Variants in FSTL5 observed in about 807,000 individuals in gnomAD.
FSTL5 encodes the protein follistatin like 5, also known as follistatin-related protein 5.
In FSTL5, 62 loss-of-function variants were observed where a neutral mutation model predicts 89.1. That is an observed-to-expected ratio of 0.70 (90% CI 0.57 to 0.86). The LOEUF (loss-of-function observed/expected upper bound fraction) is 0.86, where lower values mean the gene tolerates loss of function less well. FSTL5 is among the 40% of genes least tolerant of loss of function. The pLI is 0.00. For synonymous variants in FSTL5, 383 were observed against 346.2 expected (o/e 1.11, Z -1.18); for missense variants, 1,057 against 1,001.6 (o/e 1.06, Z -0.75).
At chr4:161,640,457 G>T (rs1246028061) in intron 7 of FSTL5, among the ~76,000 whole-genome samples, 1 of 152,030 alleles carries the variant, frequency 6.6e-6, no homozygotes, top group East Asian at 1.9e-4. Context: ...CATCCATAAA[G>T]AATTAGGAAA....
At chr4:161,681,131 TC>T (rs1477090142) in intron 6 of FSTL5, among the ~76,000 whole-genome samples, 1 of 151,988 alleles carries the variant, frequency 6.6e-6, no homozygotes, top group Non-Finnish European at 1.5e-5. Flanking sequence ...AAAAATAGCC[TC>T]TGAGTGTGCA....
At chr4:162,127,927 T>A (rs909513714) in intron 1 of FSTL5, among the ~76,000 whole-genome samples, 1 of 152,182 alleles carries the variant, frequency 6.6e-6, no homozygotes, top group African/African-American at 2.4e-5. Context: ...AATTATTCAC[T>A]AAGGGAATGA....
chr4:161,863,815 G>C (rs1262576449), intron 4 of FSTL5, among the ~76,000 whole-genome samples: 1 of 152,172 alleles, frequency 6.6e-6, no homozygotes. Context: ...ATTTCTTCTA[G>C]AGAAGGACTT....
chr4:161,870,471 G>C (rs1362056729), intron 4 of FSTL5, among the ~76,000 whole-genome samples: 1 of 152,010 alleles, frequency 6.6e-6, no homozygotes, highest in East Asian at 1.9e-4. Context: ...TTTAATCTTG[G>C]CTTCTAATCT....
At chr4:161,765,209 G>T (rs1740950358) in intron 5 of FSTL5, among the ~76,000 whole-genome samples, 1 of 152,124 alleles carries the variant, frequency 6.6e-6, no homozygotes, top group Non-Finnish European at 1.5e-5. Context: ...TGTCCATTCT[G>T]CTCTAAGGGA....
intron 4 of FSTL5, among the ~76,000 whole-genome samples, chr4:161,908,513 G>T (rs1441864260): frequency 4.6e-5 from 7 of 151,588 alleles, no homozygotes; most frequent in African/African-American, 7.3e-5. Flanking sequence ...TTAATTCATT[G>T]TTCATCTATG....
chr4:162,099,105 T>C (rs1207472051), intron 2 of FSTL5, among the ~76,000 whole-genome samples: 1 of 152,114 alleles, frequency 6.6e-6, no homozygotes, highest in Non-Finnish European at 1.5e-5. Context: ...CAAATCAGGA[T>C]AACTGGGATA....
At chr4:162,079,478 A>G (rs920113705) in intron 2 of FSTL5, among the ~76,000 whole-genome samples, 1 of 151,646 alleles carries the variant, frequency 6.6e-6, no homozygotes, top group African/African-American at 2.4e-5. Context: ...GTGGGTTTCT[A>G]TTATAGACTT....
intron 15 of FSTL5, among the ~76,000 whole-genome samples, chr4:161,419,678 C>G (rs985314345): frequency 2.0e-5 from 3 of 152,200 alleles, no homozygotes; most frequent in Non-Finnish European, 4.4e-5. Context: ...ATTCACCTCA[C>G]TCAGAATAAA....
chr4:161,801,097 G>T (rs1729777350), intron 4 of FSTL5, among the ~76,000 whole-genome samples: 1 of 151,460 alleles, frequency 6.6e-6, no homozygotes, highest in Non-Finnish European at 1.5e-5. Context: ...ATATTCTGAA[G>T]ATAAAAAATT....
intron 4 of FSTL5, among the ~76,000 whole-genome samples, chr4:161,888,593 A>G (rs1435578448): frequency 6.6e-6 from 1 of 152,144 alleles, no homozygotes; most frequent in African/African-American, 2.4e-5. Context: ...AATTTCACTG[A>G]CATTTTCATT....
At chr4:162,140,798 G>A (rs1052545663) in intron 1 of FSTL5, among the ~76,000 whole-genome samples, 2 of 152,160 alleles carry the variant, frequency 1.3e-5, no homozygotes, top group Non-Finnish European at 2.9e-5. Context: ...GTATTCTGAT[G>A]TTAACCTTAA....
At chr4:161,992,879 T>A (rs1296879583) in intron 3 of FSTL5, among the ~76,000 whole-genome samples, 1,428 of 14,096 alleles carry the variant, frequency 0.1, 65 homozygotes, top group Non-Finnish European at 0.12. Flanking sequence ...TATATATATA[T>A]ATATATATAT....
At chr4:161,656,684 C>T (rs537499303) in intron 6 of FSTL5, among the ~76,000 whole-genome samples, 190 bp from the exon 7 acceptor site, 2 of 152,148 alleles carry the variant, frequency 1.3e-5, no homozygotes, top group African/African-American at 2.4e-5. Context: ...AATTGATTGA[C>T]AAGCATCCTC....
At chr4:162,135,384 C>A (rs1433001133) in intron 1 of FSTL5, among the ~76,000 whole-genome samples, 1 of 151,812 alleles carries the variant, frequency 6.6e-6, no homozygotes, top group East Asian at 1.9e-4. Flanking sequence ...TTATAAAATA[C>A]ATGTGAGAAA....
At chr4:161,442,676 C>G (rs184910302) in intron 15 of FSTL5, among the ~76,000 whole-genome samples, 1 of 152,140 alleles carries the variant, frequency 6.6e-6, no homozygotes, top group Non-Finnish European at 1.5e-5. Flanking sequence ...ATTATTATAA[C>G]TGTTATAGGA....
intron 3 of FSTL5, among the ~76,000 whole-genome samples, chr4:162,018,152 C>T (rs949725535): frequency 5.9e-5 from 9 of 151,970 alleles, no homozygotes; most frequent in African/African-American, 1.9e-4. Flanking sequence ...TCAGATAATG[C>T]TTGTTTTTAA....
At chr4:161,482,421 C>T (rs138280899) in intron 12 of FSTL5, among the ~76,000 whole-genome samples, 76 of 152,178 alleles carry the variant, frequency 5.0e-4, no homozygotes, top group African/African-American at 1.7e-3. Context: ...CAATTAACAA[C>T]GTCTAATTTC....
At chr4:161,834,116 G>A (rs1482188598) in intron 4 of FSTL5, among the ~76,000 whole-genome samples, 2 of 152,096 alleles carry the variant, frequency 1.3e-5, no homozygotes, top group Non-Finnish European at 2.9e-5. Flanking sequence ...GATCAAGTGG[G>A]CTTCATCCCT....
Sources: allele counts gnomAD v4.1 joint callset (sites outside exome capture counted in the v4.1 genomes callset), GRCh38; gene constraint gnomAD v4.1.1; transcripts MANE v1.5; gene names NCBI Gene and HGNC (gene_info 2026-07-23, HGNC 2026-07-21).